The following PPAT variants were observed in gnomAD, a reference collection of about 807,000 sequenced individuals.
The protein encoded by PPAT is amidophosphoribosyltransferase.
In PPAT, 20 loss-of-function variants were observed where a neutral mutation model predicts 60.2. That is an observed-to-expected ratio of 0.33 (90% confidence interval 0.23 to 0.48). PPAT has a LOEUF of 0.48. Ranked by LOEUF, PPAT falls within the 20% of genes least tolerant of loss-of-function variation. The pLI is 0.99. For synonymous variants in PPAT, 194 were observed against 215.1 expected (o/e 0.90, Z 0.86); for missense variants, 349 against 629.6 (o/e 0.55, Z 4.77).
At position 56,396,545 on chromosome 4, in the gene PPAT, T is replaced by TGTTTGTATACACTGTTG; in HGVS notation, c.1357+73_1357+74insCAACAGTGTATACAAAC. 7.2e-7 allele frequency: 1 copy of TGTTTGTATACACTGTTG among 1,379,802 alleles called. No homozygotes were observed. The highest frequency in any genetic ancestry group is 1.3e-5 in the South Asian group (1 of 77,426). 85.5% of individuals were successfully genotyped at this position (1,379,802 alleles called of 1,614,324 possible). On this transcript the variant is annotated intron_variant, in intron 10 of 10. Coordinates refer to ENST00000264220, the MANE Select transcript of PPAT (RefSeq NM_002703.5). This position sits in a 1 kb window ranked among gnomAD's most constrained non-coding sequence, Gnocchi z 4.6. ...ACAAACACTGAATACTCCTTTTTAC[T>TGTTTGTATACACTGTTG]AAAGGTGTAAAGACTGTCAAGCTTT...
chr4:56,404,525 A>C (rs1201050815), intron 3 of PPAT, among the ~76,000 whole-genome samples: 1 of 152,226 alleles, frequency 6.6e-6, no homozygotes, highest in Non-Finnish European at 1.5e-5. Context: ...ATTGAGTCTG[A>C]ATGGGCACTA....
At chr4:56,400,678 G>T in intron 8 of PPAT, 106 bp downstream of exon 8, 1 of 1,227,590 alleles carries the variant, frequency 8.1e-7, no homozygotes, top group Non-Finnish European at 1.1e-6. Context: ...AACCACCAAA[G>T]CTTCCTTTCT....
rs1715976432 is a variant in PPAT at position 56,396,757 on chromosome 4, G to A, written c.1237-18C>T. 2 of 1,602,148 alleles carry A rather than the reference G, an allele frequency of 1.2e-6. No individual in the cohort carries two copies. Among genetic ancestry groups the A allele is most frequent in the South Asian group, 1.1e-5 (1 of 88,216 alleles). ...ATGTGTACCTTGGAAAGAAATCATT[G>A]CACACAAGGTTTTTAAGACTATGCA... On this transcript the variant is annotated intron_variant, in intron 9 of 10. Transcript: ENST00000264220. The surrounding 1 kb of genome is among the most constrained non-coding windows in gnomAD (Gnocchi z 4.6).
At chr4:56,426,169 A>G (rs1277988751) in intron 1 of PPAT, among the ~76,000 whole-genome samples, 1 of 152,170 alleles carries the variant, frequency 6.6e-6, no homozygotes. Flanking sequence ...GTGGGAGGCC[A>G]AGGCAGGCAG....
intron 1 of PPAT, among the ~76,000 whole-genome samples, chr4:56,411,130 GA>G (rs1284800747): frequency 1.3e-5 from 2 of 152,016 alleles, no homozygotes; most frequent in Non-Finnish European, 2.9e-5. Flanking sequence ...GTAAAATACA[GA>G]AAAAGCACAT....
Position 56,401,439 on chromosome 4 carries a change from G to C in PPAT, c.777C>G (p.Ser259=). Residue 259 remains serine (S), a synonymous_variant, in exon 7 of 11, where the codon TCC becomes TCG. Transcript: ENST00000264220. ...TATCAAGAGTTTGGACATTGTGTCT[G>C]GATATTTCCACAATTTCTCCAGGCA... ...EVLPGEIVEI[S]RHNVQTLDII... is the part of the protein sequence containing the mutation. The C allele has an allele frequency of 6.2e-7, 1 of 1,604,674 alleles. No individual in the cohort carries two copies. Among genetic ancestry groups the C allele is most frequent in the East Asian group, 2.2e-5 (1 of 44,768 alleles).
chr4:56,410,893 T>C (rs1716419598), intron 1 of PPAT: 4 of 358,570 alleles, frequency 1.1e-5, no homozygotes, highest in Non-Finnish European at 1.3e-5. Flanking sequence ...CAGAGACCAC[T>C]GAAGGTAAAA....
chr4:56,435,529 C>A lies in PPAT; in HGVS notation c.-52G>T, dbSNP rs772747599. Reference sequence around the variant, plus strand: ...CCTGCCGCTGCGGCCAAGGTGTAAGCACCAACCAGCTGCCAGCTCGGCCCG... The same window carrying A: ...CCTGCCGCTGCGGCCAAGGTGTAAGAACCAACCAGCTGCCAGCTCGGCCCG... On this transcript the variant is annotated 5_prime_UTR_variant, in exon 1 of 11. Transcript: ENST00000264220. 54 of 1,610,906 alleles carry A rather than the reference C, an allele frequency of 3.4e-5. No individual in the cohort carries two copies. In the South Asian group the frequency reaches 5.2e-4, roughly 15 times the overall value.
rs371829709 is a variant in PPAT, at chr4:56,395,578, A to G, written c.1358-30T>C. 2.8e-5 allele frequency: 41 copies of G among 1,458,032 alleles called. No homozygotes were observed. In the African/African-American group the frequency reaches 3.4e-4, roughly 12 times the overall value. 90.3% of individuals were successfully genotyped at this position (1,458,032 alleles called of 1,614,324 possible). A position where few individuals can be genotyped will look rare whatever the true frequency, so the allele number is the denominator to read the frequency against. ...AGAAAGAGGGAAAAATAAAAATGTA[A>G]TAAGAATTCCTTTAGAAAGGAAGAA... On this transcript the variant is annotated intron_variant, in intron 10 of 10. Coordinates refer to ENST00000264220, the MANE Select transcript of PPAT (RefSeq NM_002703.5).
intron 1 of PPAT, among the ~76,000 whole-genome samples, chr4:56,415,022 A>G (rs1716649915): frequency 6.6e-6 from 1 of 152,178 alleles, no homozygotes; most frequent in African/African-American, 2.4e-5. Context: ...TTGTTTTCCT[A>G]TTTTAACATA....
intron 1 of PPAT, among the ~76,000 whole-genome samples, chr4:56,409,462 A>G (rs1412759326): frequency 7.6e-6 from 1 of 131,962 alleles, no homozygotes; most frequent in Non-Finnish European, 1.8e-5. Flanking sequence ...TTTTGCTATT[A>G]GAAAAAAAAA....
intron 2 of PPAT, among the ~76,000 whole-genome samples, chr4:56,407,296 C>T (rs1716264296): frequency 6.6e-6 from 1 of 151,720 alleles, no homozygotes; most frequent in African/African-American, 2.4e-5. Flanking sequence ...TCTTTGTTAT[C>T]TTTGTCATCC....
At chr4:56,426,821 A>G (rs971810640) in intron 1 of PPAT, among the ~76,000 whole-genome samples, 1 of 152,152 alleles carries the variant, frequency 6.6e-6, no homozygotes, top group Non-Finnish European at 1.5e-5. Context: ...TTGTTGTGCA[A>G]ACATCACCAC....
intron 1 of PPAT, among the ~76,000 whole-genome samples, chr4:56,425,155 AG>A (rs1291092399): frequency 2.0e-5 from 3 of 152,226 alleles, no homozygotes; most frequent in Non-Finnish European, 4.4e-5. Context: ...ACCATCTCAA[AG>A]GGTACGCTAA....
At chr4:56,423,273 C>T (rs1319620789) in intron 1 of PPAT, 2 of 152,200 alleles carry the variant, frequency 1.3e-5, no homozygotes, top group Admixed American at 6.5e-5. Context: ...TCAGACAGGA[C>T]AGATTCTTAG....
intron 1 of PPAT, chr4:56,408,034 A>C (rs1716291815): frequency 4.2e-6 from 1 of 239,480 alleles, no homozygotes; most frequent in Non-Finnish European, 8.3e-6. Flanking sequence ...CTTGAGAGAG[A>C]TATGACTGTG....
At chr4:56,411,194 T>C (rs1336094896) in intron 1 of PPAT, among the ~76,000 whole-genome samples, 2 of 152,182 alleles carry the variant, frequency 1.3e-5, no homozygotes, top group South Asian at 2.1e-4. Context: ...TTTTGAAATA[T>C]GGATTGAGTT....
chr4:56,412,164 T>C (rs1716493384), intron 1 of PPAT, among the ~76,000 whole-genome samples: 1 of 152,136 alleles, frequency 6.6e-6, no homozygotes, highest in South Asian at 2.1e-4. Context: ...CTTAAAGGGA[T>C]CTTCAGCGCT....
intron 1 of PPAT, among the ~76,000 whole-genome samples, chr4:56,413,143 TGTTTTTG>T (rs777095552): frequency 4.3e-4 from 65 of 150,520 alleles, no homozygotes; most frequent in African/African-American, 8.0e-4. Flanking sequence ...GTTTTTGTCT[TGTTTTTG>T]GTTTTTGGTT....
Sources: gnomAD v4.1 joint callset for allele counts (sites outside exome capture counted in the v4.1 genomes callset) on GRCh38, gnomAD v4.1.1 for gene constraint, Gnocchi (gnomAD v3.1) non-coding constraint, MANE v1.5 for transcripts, NCBI Gene and HGNC (gene_info 2026-07-23, HGNC 2026-07-21) for gene names.